NEDD4: variants seen among roughly 807,000 people sequenced by gnomAD.
NEDD4 encodes the protein E3 ubiquitin-protein ligase NEDD4.
NEDD4 carries 99 observed loss-of-function variants against 144.9 expected under a neutral mutation model. The ratio of observed to expected loss-of-function variants is 0.68; its 90% CI spans 0.58 to 0.81. NEDD4 has a LOEUF of 0.81. Among genes scored for constraint, NEDD4 ranks in the 30% least tolerant of loss-of-function variants. NEDD4 has a pLI of 0.00. For synonymous variants in NEDD4, 318 were observed against 350.6 expected (o/e 0.91, Z 1.04); for missense variants, 985 against 1,065.9 (o/e 0.92, Z 1.06).
rs1241494043 is a variant in NEDD4 at position 55,895,310 on chromosome 15, C to T, written c.292-21302G>A. Among the ~76,000 whole-genome samples the T allele has an allele frequency of 2.0e-5, 3 of 152,192 alleles. No homozygotes were observed. In the East Asian group the frequency reaches 5.8e-4, roughly 29 times the overall value. Reference sequence around the variant, plus strand: ...ACGCTAACATTCTCTGGAGAATTATCTCTGCAGTTTAAATGAGAAATGAAA... The same window carrying T: ...ACGCTAACATTCTCTGGAGAATTATTTCTGCAGTTTAAATGAGAAATGAAA... On this transcript the variant is annotated intron_variant, in intron 5 of 28. Coordinates refer to ENST00000435532, the MANE Select transcript of NEDD4 (RefSeq NM_006154.4).
At position 55,927,639 on chromosome 15, in the gene NEDD4, G is replaced by A. The variant is rs563380122; in HGVS notation, c.238-2940C>T. Among the ~76,000 whole-genome samples the A allele has an allele frequency of 2.0e-4, 31 of 152,304 alleles. No homozygotes were observed. The South Asian group carries it at 4.1e-3, about 20-fold the overall frequency. ...AGGATGGGGACACTGACATCCAGAA[G>A]AAGAGTTAAGACTTGATTGGTAGGG... On this transcript the variant is annotated intron_variant, in intron 4 of 28. Transcript: ENST00000435532.
In NEDD4 at chr15:55,860,804, C is replaced by A. The variant is rs758462436; in HGVS notation, c.675-26G>T. 3 of 1,587,088 alleles carry A rather than the reference C, an allele frequency of 1.9e-6. No homozygotes were observed. The South Asian group carries it at 3.3e-5, about 18-fold the overall frequency. ...CTATATTGGAAGTATAAAAAGCCAT[C>A]ATCCATGTCTTAAGTAGTTAAAATG... On this transcript the variant is annotated intron_variant, in intron 9 of 28. Coordinates refer to ENST00000435532, the MANE Select transcript of NEDD4 (RefSeq NM_006154.4).
intron 4 of NEDD4, among the ~76,000 whole-genome samples, chr15:55,940,028 C>T (rs1000698133): frequency 2.6e-5 from 4 of 152,094 alleles, no homozygotes; most frequent in African/African-American, 9.7e-5. Flanking sequence ...TATTATTCAG[C>T]CTTCAAAAAG....
intron 5 of NEDD4, among the ~76,000 whole-genome samples, chr15:55,923,848 G>T (rs2036615903): frequency 6.6e-6 from 1 of 150,746 alleles, no homozygotes; most frequent in African/African-American, 2.4e-5. Context: ...TAAAAAAAAA[G>T]CTAGTTTCTC....
intron 5 of NEDD4, among the ~76,000 whole-genome samples, chr15:55,884,978 C>CTAAA (rs1218171631): frequency 6.6e-6 from 1 of 152,128 alleles, no homozygotes; most frequent in East Asian, 1.9e-4. Flanking sequence ...CACATATGAC[C>CTAAA]TAAATAAGAC....
intron 11 of NEDD4, among the ~76,000 whole-genome samples, chr15:55,858,794 G>A (rs2034292443): frequency 6.6e-6 from 1 of 152,222 alleles, no homozygotes; most frequent in Non-Finnish European, 1.5e-5. Flanking sequence ...TAGAGCAGAG[G>A]TTAGCACACA....
chr15:55,896,245 G>A (rs1595811725), intron 5 of NEDD4, among the ~76,000 whole-genome samples: 2 of 152,096 alleles, frequency 1.3e-5, no homozygotes, highest in African/African-American at 4.8e-5. Context: ...GCAATGGCAC[G>A]ATTTTGGCTC....
chr15:55,869,822 T>C, intron 7 of NEDD4, 141 bp from the exon 8 acceptor site: 1 of 492,010 alleles, frequency 2.0e-6, no homozygotes, highest in South Asian at 3.2e-5. Context: ...GCAGAAGATA[T>C]CTAGGGAAAG....
chr15:55,916,617 G>C (rs377587799), intron 5 of NEDD4: 1 of 1,614,042 alleles, frequency 6.2e-7, no homozygotes, highest in Admixed American at 1.7e-5. Context: ...GGGAACAGAT[G>C]ATCTTTCTTG....
intron 5 of NEDD4, among the ~76,000 whole-genome samples, chr15:55,879,965 T>C (rs1171609203): frequency 6.6e-6 from 1 of 152,018 alleles, no homozygotes; most frequent in Non-Finnish European, 1.5e-5. Flanking sequence ...TTTAAGTAAC[T>C]TTGCTTGAAC....
intron 9 of NEDD4, among the ~76,000 whole-genome samples, chr15:55,861,340 A>G (rs1200394800): frequency 6.6e-6 from 1 of 152,172 alleles, no homozygotes; most frequent in Non-Finnish European, 1.5e-5. Flanking sequence ...TTTTCGTAAT[A>G]TACAGTCATG....
chr15:55,917,425 C>A (rs1251202345), intron 5 of NEDD4, among the ~76,000 whole-genome samples: 3 of 151,314 alleles, frequency 2.0e-5, no homozygotes, highest in East Asian at 1.9e-4. Context: ...AGTAGCCATA[C>A]TAGGAATCTA....
intron 5 of NEDD4, among the ~76,000 whole-genome samples, chr15:55,912,869 G>A (rs1384361890): frequency 1.3e-5 from 2 of 152,054 alleles, no homozygotes; most frequent in East Asian, 1.9e-4. Context: ...TCACTGTTAT[G>A]TTGTTTGCTA....
intron 4 of NEDD4, among the ~76,000 whole-genome samples, chr15:55,930,143 C>A (rs1490216754): frequency 6.6e-6 from 1 of 152,100 alleles, no homozygotes; most frequent in Non-Finnish European, 1.5e-5. Context: ...TAGCCATCTA[C>A]TTTTTAATTT....
chr15:55,962,916 A>G (rs549939209), intron 2 of NEDD4, among the ~76,000 whole-genome samples: 16 of 151,464 alleles, frequency 1.1e-4, no homozygotes, highest in African/African-American at 3.2e-4. Flanking sequence ...CCTCCTGAGT[A>G]GCTGGGATTA....
Position 55,915,826 on chromosome 15 carries a change from C to T in NEDD4, c.291+8820G>A, listed in dbSNP as rs781648726. ...AGCGGCCGTATGTCTCTTACTTCTC[C>T]GGGGGTACAAATTGTTTTAGATAAC... On this transcript the variant is annotated intron_variant, in intron 5 of 28. Coordinates refer to ENST00000435532, the MANE Select transcript of NEDD4 (RefSeq NM_006154.4). 56 of 1,613,620 alleles carry T rather than the reference C, an allele frequency of 3.5e-5. No individual in the cohort carries two copies. The highest frequency in any genetic ancestry group is 5.3e-5 in the African/African-American group (4 of 74,868).
At chr15:55,839,375 C>G (rs1443649527) in intron 21 of NEDD4, among the ~76,000 whole-genome samples, 1 of 152,070 alleles carries the variant, frequency 6.6e-6, no homozygotes, top group Admixed American at 6.6e-5. Flanking sequence ...ATTGTTTATA[C>G]CCAGCCCGAG....
At chr15:55,936,088 C>T (rs1328437525) in intron 4 of NEDD4, among the ~76,000 whole-genome samples, 1 of 152,100 alleles carries the variant, frequency 6.6e-6, no homozygotes, top group East Asian at 1.9e-4. Context: ...ATTGCTACTT[C>T]AAGTCTATAA....
intron 5 of NEDD4, chr15:55,915,525 T>A: frequency 6.2e-7 from 1 of 1,613,970 alleles, no homozygotes; most frequent in Non-Finnish European, 8.5e-7. Flanking sequence ...CAATTCTCCA[T>A]TGATATTTAT....
Sources: gnomAD v4.1 joint callset for allele counts (sites outside exome capture counted in the v4.1 genomes callset) on GRCh38, gnomAD v4.1.1 for gene constraint, MANE v1.5 for transcripts, NCBI Gene and HGNC (gene_info 2026-07-23, HGNC 2026-07-21) for gene names.